AJUBA: variants seen among roughly 807,000 people sequenced by gnomAD.
The protein encoded by AJUBA is LIM domain-containing protein ajuba.
In AJUBA, 20 loss-of-function variants were observed where a neutral mutation model predicts 53.3. The observed-to-expected ratio is 0.38, with a 90% CI of 0.26 to 0.55. The LOEUF (loss-of-function observed/expected upper bound fraction) is 0.55, where lower values mean the gene tolerates loss of function less well. AJUBA is among the 20% of genes least tolerant of loss of function. The pLI is 0.80. For synonymous variants in AJUBA, 296 were observed against 306.2 expected (o/e 0.97, Z 0.35); for missense variants, 580 against 730.5 (o/e 0.79, Z 2.38).
At position 22,981,504 on chromosome 14, in the gene AJUBA, G is replaced by A. The variant is rs1462042523; in HGVS notation, c.763C>T (p.Arg255Trp). The A allele has an allele frequency of 1.3e-6, 2 of 1,589,190 alleles. No individual in the cohort carries two copies. The highest frequency in any genetic ancestry group is 1.7e-6 in the Non-Finnish European group (2 of 1,170,344). Reference sequence around the variant, plus strand: ...GAGTGTCGTCCGGGTTGCGCCCCCCGTCTCTCCAAGGGCCCCGCCGCTCCC... The same window carrying A: ...GAGTGTCGTCCGGGTTGCGCCCCCCATCTCTCCAAGGGCCCCGCCGCTCCC... The part of the protein sequence containing the change: ...GVGAAGPLER[R>W]GAQPGRHSVT... The change falls in exon 1 of 8, where the codon CGG becomes TGG. Residue 255 changes from arginine to tryptophan, a missense_variant. Physicochemically the swap from Arg to Trp is moderately radical, Grantham distance 101. Transcript: ENST00000262713.
At chr14:22,981,120 C>T (rs926200612) in intron 1 of AJUBA, 141 bp downstream of exon 1, 19 of 1,059,606 alleles carry the variant, frequency 1.8e-5, no homozygotes, top group Non-Finnish European at 2.4e-5. Flanking sequence ...GGGGCCGCCC[C>T]CATCCATCCC....
At chr14:22,974,158 C>T in intron 6 of AJUBA, 43 bp from the exon 7 acceptor site, 1 of 1,600,744 alleles carries the variant, frequency 6.2e-7, no homozygotes, top group Non-Finnish European at 8.6e-7. Context: ...CAGCATGTTG[C>T]CTCACCTCCA....
At chr14:22,976,197 G>C (rs1400511159) in intron 4 of AJUBA, among the ~76,000 whole-genome samples, 2 of 151,728 alleles carry the variant, frequency 1.3e-5, no homozygotes, top group African/African-American at 4.8e-5. Flanking sequence ...CCTAGCTCAG[G>C]CTGGAAGGCC....
chr14:22,973,908 A>T, intron 7 of AJUBA, 139 bp downstream of exon 7: 1 of 1,017,856 alleles, frequency 9.8e-7, no homozygotes. Flanking sequence ...CAAAAAAGAG[A>T]CTGAAGATAG....
chr14:22,974,282 T>C (rs1394573624), intron 6 of AJUBA, among the ~76,000 whole-genome samples, 167 bp from the exon 7 acceptor site: 6 of 152,084 alleles, frequency 3.9e-5, no homozygotes, highest in African/African-American at 1.4e-4. Context: ...CTACCAGAAC[T>C]CTCATCTCCT....
In AJUBA at chr14:22,975,113, TG is replaced by T. The variant is rs1310801404; in HGVS notation, c.1240-10del. ...CCCATTGCTTGTAGGATCTGGCTCA[TG>T]GGGTAGCAAGAGAATCAGTCTCCCT... On this transcript the variant is annotated splice_polypyrimidine_tract_variant and intron_variant, in intron 4 of 7. Transcript: ENST00000262713. The T allele has an allele frequency of 4.4e-6, 7 of 1,607,162 alleles. No individual in the cohort carries two copies. Among genetic ancestry groups the T allele is most frequent in the Admixed American group, 1.7e-5 (1 of 59,898 alleles).
chr14:22,975,200 C>G, intron 4 of AJUBA, 96 bp from the exon 5 acceptor site: 1 of 1,482,440 alleles, frequency 6.7e-7, no homozygotes, highest in Non-Finnish European at 9.1e-7. Context: ...CCTCATCCAA[C>G]CCGCTGCTAT....
chr14:22,982,078 C>G lies in AJUBA; in HGVS notation c.189G>C (p.Pro63=). 6.3e-7 allele frequency: 1 copy of G among 1,589,946 alleles called. No individual in the cohort carries two copies. Among genetic ancestry groups the G allele is most frequent in the South Asian group, 1.1e-5 (1 of 88,274 alleles). Residue 63 remains proline (P), a synonymous_variant, in exon 1 of 8, where the codon CCG becomes CCC. Coordinates refer to ENST00000262713, the MANE Select transcript of AJUBA (RefSeq NM_032876.6). ...CGTCCAGGGAACCTTGCTCCCGGGC[C>G]GGCTCCAACGGCTCATCCCCAGGTC... ...TGGPGDEPLE[P]AREQGSLDAE...
rs772681812 is a variant in AJUBA at position 22,975,006 on chromosome 14, G to A, written c.1338C>T (p.Ser446=). 1.2e-6 allele frequency: 2 copies of A among 1,614,116 alleles called. No homozygotes were observed. The highest frequency in any genetic ancestry group is 1.7e-6 in the Non-Finnish European group (2 of 1,180,048). Residue 446 remains serine, a synonymous_variant, in exon 5 of 8, where the codon TCC becomes TCT. Coordinates refer to ENST00000262713, the MANE Select transcript of AJUBA (RefSeq NM_032876.6). ...AGTCGGTGACACAGTATACTTGGTT[G>A]GAGAAGTCCACTGTGAAGGGGATGC... is the stretch of plus-strand genomic sequence containing the variant. ...LDGIPFTVDF[S]NQVYCVTDYH... is the part of the protein sequence containing the mutation.
Position 22,982,326 on chromosome 14 carries a change from G to T in AJUBA, c.-60C>A. 1 of 1,590,586 alleles carries T rather than the reference G, an allele frequency of 6.3e-7. No individual in the cohort carries two copies. Among genetic ancestry groups the T allele is most frequent in the Non-Finnish European group, 8.5e-7 (1 of 1,172,254 alleles). On this transcript the variant is annotated 5_prime_UTR_variant, in exon 1 of 8. Coordinates refer to ENST00000262713, the MANE Select transcript of AJUBA (RefSeq NM_032876.6). ...CCTGGCACCCTGCGGCGTCTCGGCG[G>T]CCGGTTCTCTTTCCCTGCAGCCGGA...
intron 4 of AJUBA, 99 bp downstream of exon 4, chr14:22,976,357 C>T: frequency 8.1e-7 from 1 of 1,232,996 alleles, no homozygotes; most frequent in South Asian, 1.2e-5. Flanking sequence ...CATCTGGTGA[C>T]AGGCTTCTTT....
At chr14:22,975,323 T>G in intron 4 of AJUBA, 2 of 541,748 alleles carry the variant, frequency 3.7e-6, no homozygotes, top group Middle Eastern at 4.9e-4. Context: ...TCTGGCTGCA[T>G]ATCAGGATCA....
rs1004906347 is a variant in AJUBA, at chr14:22,973,244, C to T, written c.*199G>A. The T allele has an allele frequency of 3.6e-6, 3 of 828,648 alleles. No homozygotes were observed. In the Admixed American group the frequency reaches 9.0e-5, roughly 25 times the overall value. The allele number at this position is 828,648 out of a possible 1,614,324, so 51.3% of individuals were successfully genotyped here. A position where few individuals can be genotyped will look rare whatever the true frequency, so the allele number is the denominator to read the frequency against. On this transcript the variant is annotated 3_prime_UTR_variant, in exon 8 of 8. Transcript: ENST00000262713. ...ACATGGGAAAAAGGCCAGTCGCCCCCACCCTGGTAAATATAAGGTTTCTCT... is the reference window on the plus strand; with the variant it reads ...ACATGGGAAAAAGGCCAGTCGCCCCTACCCTGGTAAATATAAGGTTTCTCT...
In AJUBA at chr14:22,982,526, C is replaced by T. The variant is rs1192037429; in HGVS notation, c.-260G>A. 1 of 1,361,592 alleles carries T rather than the reference C, an allele frequency of 7.3e-7. No homozygotes were observed. The highest frequency in any genetic ancestry group is 3.1e-5 in the East Asian group (1 of 31,868). The allele number at this position is 1,361,592 out of a possible 1,614,324, so 84.3% of individuals were successfully genotyped here. A position where few individuals can be genotyped will look rare whatever the true frequency, so the allele number is the denominator to read the frequency against. On this transcript the variant is annotated 5_prime_UTR_variant, in exon 1 of 8. Coordinates refer to ENST00000262713, the MANE Select transcript of AJUBA (RefSeq NM_032876.6). ...GCGGCTGTCCAGTCCGCAGGTCTAT[C>T]TGTTCACGCGTCGACTCGCCCGACT...
chr14:22,978,751 C>T, intron 1 of AJUBA: 3 of 1,211,308 alleles, frequency 2.5e-6, no homozygotes, highest in Non-Finnish European at 1.0e-6. Flanking sequence ...TGCTTAGTTT[C>T]TGTTGGGGAG....
At position 22,982,536 on chromosome 14, in the gene AJUBA, G is replaced by A; in HGVS notation, c.-270C>T. On this transcript the variant is annotated 5_prime_UTR_variant, in exon 1 of 8. The change creates a new upstream start codon in the 5' untranslated region. Coordinates refer to ENST00000262713, the MANE Select transcript of AJUBA (RefSeq NM_032876.6). ...AGTCCGCAGGTCTATCTGTTCACGC[G>A]TCGACTCGCCCGACTGCCCCACTCT... is the stretch of plus-strand genomic sequence containing the variant. 6.0e-6 allele frequency: 8 copies of A among 1,338,178 alleles called. No individual in the cohort carries two copies. The highest frequency in any genetic ancestry group is 6.7e-6 in the Non-Finnish European group (7 of 1,047,180). The allele number at this position is 1,338,178 out of a possible 1,614,324, so 82.9% of individuals were successfully genotyped here.
intron 1 of AJUBA, 85 bp downstream of exon 1, chr14:22,981,176 C>T: frequency 6.7e-7 from 1 of 1,483,178 alleles, no homozygotes; most frequent in Non-Finnish European, 9.0e-7. Flanking sequence ...GACCCCGGGG[C>T]ACCGGCACTT....
rs2045052522 is a variant in AJUBA at position 22,977,932 on chromosome 14, G to A, written c.1108+412C>T. ...CAGCCAAGAGAAAACCCCCCTCTCC[G>A]CCCCAAACAGCTCCCCACTCCCCCA... is the stretch of plus-strand genomic sequence containing the variant. On this transcript the variant is annotated intron_variant, in intron 2 of 7. Transcript: ENST00000262713. 2.0e-5 allele frequency among the ~76,000 whole-genome samples: 3 copies of A among 149,276 alleles called. No homozygotes were observed. The South Asian group carries it at 6.4e-4, about 32-fold the overall frequency.
chr14:22,978,621 C>A, intron 1 of AJUBA, 176 bp from the exon 2 acceptor site: 1 of 1,394,186 alleles, frequency 7.2e-7, no homozygotes, highest in Non-Finnish European at 9.3e-7. Flanking sequence ...CTGAGCAGAT[C>A]CATTCTTGTT....
Sources: allele counts gnomAD v4.1 joint callset (sites outside exome capture counted in the v4.1 genomes callset), GRCh38; gene constraint gnomAD v4.1.1; transcripts MANE v1.5; gene names NCBI Gene and HGNC (gene_info 2026-07-23, HGNC 2026-07-21).